Variants in PXYLP1 observed in about 807,000 individuals in gnomAD.
The protein encoded by PXYLP1 is acid phosphatase-like 2.
A neutral mutation model predicts 37.9 loss-of-function variants in PXYLP1; 17 were observed. That is an observed-to-expected ratio of 0.45 (90% CI 0.31 to 0.67). PXYLP1 has a LOEUF of 0.67. Among genes scored for constraint, PXYLP1 ranks in the 30% least tolerant of loss-of-function variants. PXYLP1 has a pLI of 0.07. For missense variants in PXYLP1, 511 were observed against 612.0 expected, an observed-to-expected ratio of 0.84 and a Z score of 1.74; for synonymous variants, 221 against 232.2, an observed-to-expected ratio of 0.95 and a Z score of 0.44.
At chr3:141,283,817 A>T (rs986258708) in intron 4 of PXYLP1, among the ~76,000 whole-genome samples, 2 of 151,650 alleles carry the variant, frequency 1.3e-5, no homozygotes, top group African/African-American at 2.4e-5. Context: ...TGAGATTTTA[A>T]ATAAACAATA....
chr3:141,248,171 C>T (rs776957536), intron 1 of PXYLP1, among the ~76,000 whole-genome samples: 48 of 151,828 alleles, frequency 3.2e-4, no homozygotes, highest in Non-Finnish European at 5.3e-4. Flanking sequence ...TACAGGTGCC[C>T]GCCACCAAGC....
At chr3:141,255,368 T>G (rs886427829) in intron 1 of PXYLP1, among the ~76,000 whole-genome samples, 1 of 152,242 alleles carries the variant, frequency 6.6e-6, no homozygotes, top group Admixed American at 6.5e-5. Context: ...CCTGGACATA[T>G]AACAGTTGTT....
chr3:141,232,976 T>G (rs934496474), intron 1 of PXYLP1, among the ~76,000 whole-genome samples: 2 of 147,106 alleles, frequency 1.4e-5, no homozygotes, highest in African/African-American at 2.5e-5. Flanking sequence ...TGTAGGGGGG[T>G]GGATGGGGGA....
At chr3:141,291,283 C>T (rs541628971) in intron 5 of PXYLP1, among the ~76,000 whole-genome samples, 2 of 152,308 alleles carry the variant, frequency 1.3e-5, no homozygotes, top group South Asian at 4.1e-4. Flanking sequence ...TTACCTCCTA[C>T]TACAGGATGA....
At chr3:141,283,069 C>T (rs1187098675) in intron 4 of PXYLP1, among the ~76,000 whole-genome samples, 1 of 151,804 alleles carries the variant, frequency 6.6e-6, no homozygotes, top group Non-Finnish European at 1.5e-5. Flanking sequence ...CAGGTTCAAG[C>T]GATTCTCCTG....
At chr3:141,245,669 C>T (rs75742978) in intron 1 of PXYLP1, among the ~76,000 whole-genome samples, 124 of 152,308 alleles carry the variant, frequency 8.1e-4, no homozygotes, top group East Asian at 9.6e-4. Context: ...AGAAACACCT[C>T]CTGCAGAGAA....
At chr3:141,283,987 A>G (rs1942013988) in intron 4 of PXYLP1, among the ~76,000 whole-genome samples, 1 of 152,136 alleles carries the variant, frequency 6.6e-6, no homozygotes, top group African/African-American at 2.4e-5. Context: ...AGTTTTCATT[A>G]TGAAAGCAGA....
intron 1 of PXYLP1, among the ~76,000 whole-genome samples, chr3:141,245,534 A>C: frequency 6.6e-6 from 1 of 152,158 alleles, no homozygotes; most frequent in Non-Finnish European, 1.5e-5. Context: ...CCAAAAGCTC[A>C]GTTGTTCAGG....
At chr3:141,251,991 C>T (rs903165385) in intron 1 of PXYLP1, among the ~76,000 whole-genome samples, 7 of 152,286 alleles carry the variant, frequency 4.6e-5, no homozygotes, top group Admixed American at 2.0e-4. Flanking sequence ...CTTAACCCCA[C>T]GACTCCCTCC....
intron 2 of PXYLP1, among the ~76,000 whole-genome samples, chr3:141,276,814 G>A (rs962975574): frequency 2.0e-5 from 3 of 152,134 alleles, no homozygotes; most frequent in African/African-American, 4.8e-5. Flanking sequence ...CCAATATTGA[G>A]TGTTATCATT....
At chr3:141,269,691 C>G (rs1941615116) in intron 2 of PXYLP1, among the ~76,000 whole-genome samples, 1 of 152,174 alleles carries the variant, frequency 6.6e-6, no homozygotes, top group Admixed American at 6.5e-5. Flanking sequence ...ATCAGGTTCT[C>G]AAAGATGAGG....
At chr3:141,254,674 T>C (rs1475071364) in intron 1 of PXYLP1, among the ~76,000 whole-genome samples, 1 of 152,192 alleles carries the variant, frequency 6.6e-6, no homozygotes, top group Admixed American at 6.5e-5. Flanking sequence ...TTACCTTTGC[T>C]TGACTCATAT....
chr3:141,262,311 G>A, intron 2 of PXYLP1: 2 of 1,003,838 alleles, frequency 2.0e-6, no homozygotes, highest in Non-Finnish European at 2.4e-6. Context: ...CAAATGAATT[G>A]TAAAATCTGA....
At chr3:141,233,480 A>C (rs1292253056) in intron 1 of PXYLP1, among the ~76,000 whole-genome samples, 1 of 151,796 alleles carries the variant, frequency 6.6e-6, no homozygotes, top group Admixed American at 6.6e-5. Flanking sequence ...AAAAAAAAAA[A>C]AAAAACCCTC....
rs748858952 is a variant in PXYLP1 at position 141,248,576 on chromosome 3, CAT to C, written c.-53-11546_-53-11545del. Among the ~76,000 whole-genome samples the C allele has an allele frequency of 3.8e-4, 38 of 100,728 alleles. 4 individuals are homozygous for C. Among genetic ancestry groups the C allele is most frequent in the African/African-American group, 4.8e-4 (10 of 20,988 alleles). 66.1% of individuals were successfully genotyped at this position (100,728 alleles called of 152,430 possible). On this transcript the variant is annotated intron_variant, in intron 1 of 5. Transcript: ENST00000286353. ...ATACACACGTGTATATATATACACA[CAT>C]GTATATATACACACACGTGTATATA...
At position 141,292,159 on chromosome 3, in the gene PXYLP1, C is replaced by T; in HGVS notation, c.506-109C>T. 2 of 1,036,498 alleles carry T rather than the reference C, an allele frequency of 1.9e-6. No homozygotes were observed. The highest frequency in any genetic ancestry group is 4.8e-5 in the East Asian group (2 of 41,668). 64.2% of individuals were successfully genotyped at this position (1,036,498 alleles called of 1,614,324 possible). A position where few individuals can be genotyped will look rare whatever the true frequency, so the allele number is the denominator to read the frequency against. Reference sequence around the variant, plus strand: ...ACACCATGGGGAAACAGGCTGGATGCCATTCTCTTGCCCTAAAACACTCCA... The same window carrying T: ...ACACCATGGGGAAACAGGCTGGATGTCATTCTCTTGCCCTAAAACACTCCA... On this transcript the variant is annotated intron_variant, in intron 5 of 5. Transcript: ENST00000286353. This position sits in a 1 kb window ranked among gnomAD's most constrained non-coding sequence, Gnocchi z 4.3.
intron 4 of PXYLP1, among the ~76,000 whole-genome samples, chr3:141,280,005 C>T (rs1258206592): frequency 2.0e-5 from 3 of 152,248 alleles, no homozygotes; most frequent in Non-Finnish European, 2.9e-5. Flanking sequence ...TTTCACCCTT[C>T]TAATTTTTCA....
intron 1 of PXYLP1, among the ~76,000 whole-genome samples, chr3:141,259,561 AG>A (rs1941343701): frequency 6.6e-6 from 1 of 152,204 alleles, no homozygotes; most frequent in African/African-American, 2.4e-5. Flanking sequence ...GGATGAAGGG[AG>A]GTCTCAATTA....
intron 1 of PXYLP1, chr3:141,235,342 C>T (rs1940632504): frequency 1.3e-5 from 2 of 152,446 alleles, no homozygotes; most frequent in Non-Finnish European, 2.9e-5. Flanking sequence ...ATGGCTTGAG[C>T]AAGATTGGTC....
Sources: gnomAD v4.1 joint callset for allele counts (sites outside exome capture counted in the v4.1 genomes callset) on GRCh38, gnomAD v4.1.1 for gene constraint, Gnocchi (gnomAD v3.1) non-coding constraint, MANE v1.5 for transcripts, NCBI Gene and HGNC (gene_info 2026-07-23, HGNC 2026-07-21) for gene names.